Variants in SMURF1 observed in about 807,000 individuals in gnomAD.
The protein encoded by SMURF1 is E3 ubiquitin-protein ligase SMURF1.
SMURF1 carries 44 observed loss-of-function variants against 98.0 expected under a neutral mutation model. The ratio of observed to expected loss-of-function variants is 0.45; its 90% CI spans 0.35 to 0.58. The LOEUF is 0.58. Ranked by LOEUF, SMURF1 falls within the 20% of genes least tolerant of loss-of-function variation. The pLI is 0.00. For synonymous variants in SMURF1, 396 were observed against 374.9 expected (o/e 1.06, Z -0.65); for missense variants, 687 against 938.4 (o/e 0.73, Z 3.50).
intron 1 of SMURF1, among the ~76,000 whole-genome samples, chr7:99,108,204 G>A (rs147305365): frequency 2.0e-5 from 3 of 152,114 alleles, no homozygotes; most frequent in East Asian, 2.0e-4. Context: ...TCCCTGTTAC[G>A]CCCTTGCACT....
chr7:99,070,571 G>A (rs149614409), intron 1 of SMURF1, among the ~76,000 whole-genome samples: 2 of 152,114 alleles, frequency 1.3e-5, no homozygotes, highest in Non-Finnish European at 2.9e-5. Flanking sequence ...CTTAACCACT[G>A]TCTCCCCAGA....
intron 9 of SMURF1, 91 bp from the exon 10 acceptor site, chr7:99,047,973 C>A: frequency 1.7e-6 from 2 of 1,172,708 alleles, no homozygotes; most frequent in South Asian, 1.3e-5. Flanking sequence ...GAGGAGAGAG[C>A]TAGCTGCACA....
At chr7:99,115,429 C>G (rs1025520784) in intron 1 of SMURF1, among the ~76,000 whole-genome samples, 2 of 151,886 alleles carry the variant, frequency 1.3e-5, no homozygotes, top group African/African-American at 4.8e-5. Flanking sequence ...CCTGTCTCTA[C>G]AAAAAAGACA....
chr7:99,032,503 T>C (rs1427182013), intron 17 of SMURF1, among the ~76,000 whole-genome samples: 2 of 152,214 alleles, frequency 1.3e-5, no homozygotes, highest in Non-Finnish European at 2.9e-5. Flanking sequence ...ACCCCATCTC[T>C]ACTAAAAATA....
intron 6 of SMURF1, among the ~76,000 whole-genome samples, chr7:99,054,260 C>T (rs771055960): frequency 1.3e-5 from 2 of 151,914 alleles, no homozygotes; most frequent in Non-Finnish European, 2.9e-5. Context: ...ATCTTTGGCC[C>T]GTGGGAGCCT....
chr7:99,091,679 CT>C (rs1183233328), intron 1 of SMURF1, among the ~76,000 whole-genome samples: 1 of 152,192 alleles, frequency 6.6e-6, no homozygotes, highest in Non-Finnish European at 1.5e-5. Context: ...CTAGCCCCCT[CT>C]GGCTTCTACC....
At chr7:99,033,445 C>A (rs1037581937) in intron 16 of SMURF1, among the ~76,000 whole-genome samples, 1 of 152,230 alleles carries the variant, frequency 6.6e-6, no homozygotes. Context: ...GCTGGGATAA[C>A]AGGTACATGC....
intron 12 of SMURF1, 132 bp from the exon 13 acceptor site, chr7:99,040,688 G>T (rs956465787): frequency 2.6e-6 from 2 of 770,020 alleles, no homozygotes; most frequent in Non-Finnish European, 1.8e-6. Context: ...GGACTCACAG[G>T]CCCCGCTCCT....
In SMURF1 at chr7:99,039,421, C is replaced by T. The variant is rs1795288171; in HGVS notation, c.1551-896G>A. Among the ~76,000 whole-genome samples the T allele has an allele frequency of 2.0e-5, 3 of 152,046 alleles. No homozygotes were observed. In the South Asian group the frequency reaches 6.2e-4, roughly 32 times the overall value. ...AGTGCAGTGGTGTGGTCTCAGCTCA[C>T]TGCAACCTCTGCCTCCTGGGTTGAA... On this transcript the variant is annotated intron_variant, in intron 13 of 17. Coordinates refer to ENST00000361368, the MANE Select transcript of SMURF1 (RefSeq NM_181349.3).
rs1795553973 is a variant in SMURF1, at chr7:99,045,787, C to A, written c.1167G>T (p.Gln389His). ...REEIFEESYRQIMKMRPKDLK... is the reference protein window; with the variant it reads ...REEIFEESYRHIMKMRPKDLK... The stretch of plus-strand genomic sequence containing the variant: ...AGTCTTTCGGTCGCATCTTCATTAT[C>A]TGGCGGTAAGACTCCTGAAGAGCAA... The change falls in exon 11 of 18, where the codon CAG becomes CAT. Residue 389 changes from glutamine (Q) to histidine (H), a missense_variant. Around this residue, in one of 2 missense-constraint regions of SMURF1, gnomAD observed 415 missense variants for 508.4 expected, o/e 0.82. Transcript: ENST00000361368. 3 of 1,613,948 alleles carry A rather than the reference C, an allele frequency of 1.9e-6. No homozygotes were observed. Among genetic ancestry groups the A allele is most frequent in the Non-Finnish European group, 2.5e-6 (3 of 1,179,758 alleles).
chr7:99,093,263 G>C (rs1338745073), intron 1 of SMURF1, among the ~76,000 whole-genome samples: 3 of 152,158 alleles, frequency 2.0e-5, no homozygotes, highest in African/African-American at 7.2e-5. Context: ...TTCTGGAAAT[G>C]TTTCCCAAAA....
intron 1 of SMURF1, among the ~76,000 whole-genome samples, chr7:99,129,667 C>T (rs758259802): frequency 1.3e-4 from 20 of 152,214 alleles, no homozygotes; most frequent in African/African-American, 1.4e-4. Flanking sequence ...ATTGGGATTA[C>T]GGGTGTGAGC....
chr7:99,132,348 A>C (rs902914765), intron 1 of SMURF1, among the ~76,000 whole-genome samples: 5 of 152,186 alleles, frequency 3.3e-5, no homozygotes, highest in Admixed American at 3.3e-4. Flanking sequence ...GGTATTTGTG[A>C]GCACCAGCAG....
At chr7:99,041,350 A>C (rs1265836156) in intron 12 of SMURF1, among the ~76,000 whole-genome samples, 4 of 152,208 alleles carry the variant, frequency 2.6e-5, no homozygotes, top group African/African-American at 7.2e-5. Flanking sequence ...TGCAGTGAGC[A>C]GAGATCATGC....
intron 5 of SMURF1, 67 bp from the exon 6 acceptor site, chr7:99,054,932 C>A: frequency 7.2e-7 from 1 of 1,385,924 alleles, no homozygotes; most frequent in South Asian, 1.2e-5. Context: ...TACAGTGAGT[C>A]ATTGCTAATT....
intron 1 of SMURF1, among the ~76,000 whole-genome samples, chr7:99,090,376 C>T (rs1417059408): frequency 1.3e-5 from 2 of 152,114 alleles, no homozygotes; most frequent in African/African-American, 2.4e-5. Context: ...CTTCCTTTCC[C>T]TACTGCTTAC....
intron 5 of SMURF1, among the ~76,000 whole-genome samples, chr7:99,055,106 C>A (rs1043063563): frequency 6.6e-6 from 1 of 152,144 alleles, no homozygotes; most frequent in Non-Finnish European, 1.5e-5. Flanking sequence ...TTCTCCTGGT[C>A]TCCATAAAAA....
intron 1 of SMURF1, among the ~76,000 whole-genome samples, chr7:99,078,780 G>T (rs2150565536): frequency 6.6e-6 from 1 of 152,318 alleles, no homozygotes; most frequent in Middle Eastern, 3.4e-3. Flanking sequence ...CCCCACATGG[G>T]ACTGTCTAGT....
intron 1 of SMURF1, among the ~76,000 whole-genome samples, chr7:99,143,087 A>C (rs2078547113): frequency 6.9e-6 from 1 of 144,718 alleles, no homozygotes; most frequent in African/African-American, 2.6e-5. Context: ...GGGACCAGAG[A>C]GAAGCGAGGG....
Sources: gnomAD v4.1 joint callset for allele counts (sites outside exome capture counted in the v4.1 genomes callset) on GRCh38, gnomAD v4.1.1 for gene constraint, gnomAD v4.1.1 regional missense constraint, MANE v1.5 for transcripts, NCBI Gene and HGNC (gene_info 2026-07-23, HGNC 2026-07-21) for gene names.